SPAG16: variants seen among roughly 807,000 people sequenced by gnomAD.
SPAG16 encodes the protein sperm-associated antigen 16 protein.
In SPAG16, 86 loss-of-function variants were observed where a neutral mutation model predicts 80.4. That is an observed-to-expected ratio of 1.07 (90% CI 0.90 to 1.28). The LOEUF (loss-of-function observed/expected upper bound fraction) is 1.28. Among genes scored for constraint, SPAG16 ranks in the 50% most tolerant of loss-of-function variants. The pLI is 0.00. For missense variants in SPAG16, 870 were observed against 765.3 expected, an observed-to-expected ratio of 1.14 and a Z score of -1.61; for synonymous variants, 294 against 265.9, an observed-to-expected ratio of 1.11 and a Z score of -1.03.
At chr2:214,186,043 A>G (rs924969109) in intron 15 of SPAG16, among the ~76,000 whole-genome samples, 5 of 151,888 alleles carry the variant, frequency 3.3e-5, no homozygotes, top group African/African-American at 1.2e-4. Flanking sequence ...CAGGCATAAA[A>G]TAATGTTCAA....
intron 15 of SPAG16, among the ~76,000 whole-genome samples, chr2:214,393,233 G>T (rs914685794): frequency 2.6e-5 from 4 of 152,116 alleles, no homozygotes; most frequent in Non-Finnish European, 5.9e-5. Flanking sequence ...TTTATAGTGG[G>T]TAACTTATCT....
intron 10 of SPAG16, among the ~76,000 whole-genome samples, chr2:213,491,378 C>T (rs1384308427): frequency 6.6e-6 from 1 of 152,216 alleles, no homozygotes; most frequent in African/African-American, 2.4e-5. Flanking sequence ...GAACTTCAGA[C>T]AACTTCAGAT....
intron 10 of SPAG16, among the ~76,000 whole-genome samples, chr2:213,825,953 G>T (rs576531420): frequency 3.3e-5 from 5 of 151,714 alleles, no homozygotes; most frequent in Middle Eastern, 3.4e-3. Flanking sequence ...GGTCTGTTCA[G>T]GTTTTGGATT....
intron 9 of SPAG16, among the ~76,000 whole-genome samples, chr2:213,403,048 T>C (rs548071613): frequency 6.6e-6 from 1 of 151,752 alleles, no homozygotes; most frequent in Non-Finnish European, 1.5e-5. Flanking sequence ...CCACCAACAG[T>C]GTCAAAGTGT....
At chr2:213,466,854 C>G (rs569218443) in intron 9 of SPAG16, among the ~76,000 whole-genome samples, 1 of 152,206 alleles carries the variant, frequency 6.6e-6, no homozygotes, top group East Asian at 1.9e-4. Flanking sequence ...TCTCAGAATC[C>G]CTGAAGTACA....
chr2:213,723,165 G>A (rs2066605113), intron 10 of SPAG16, among the ~76,000 whole-genome samples: 1 of 152,096 alleles, frequency 6.6e-6, no homozygotes, highest in South Asian at 2.1e-4. Context: ...GGAAATTATA[G>A]CTCCTTTCTT....
chr2:214,400,964 T>C (rs1701673256), intron 15 of SPAG16, among the ~76,000 whole-genome samples: 1 of 152,036 alleles, frequency 6.6e-6, no homozygotes, highest in Non-Finnish European at 1.5e-5. Context: ...TTAGGACCCT[T>C]TAGCATTAAT....
At chr2:213,600,061 C>G (rs2061010449) in intron 10 of SPAG16, among the ~76,000 whole-genome samples, 1 of 152,112 alleles carries the variant, frequency 6.6e-6, no homozygotes, top group South Asian at 2.1e-4. Flanking sequence ...CTTCTAATCC[C>G]CATATTGTTC....
rs144704597 is a variant in SPAG16 at position 213,815,868 on chromosome 2, G to A, written c.1071-46617G>A. 1.9e-3 allele frequency among the ~76,000 whole-genome samples: 295 copies of A among 152,192 alleles called. 1 individual carries two copies. The highest frequency in any genetic ancestry group is 6.9e-3 in the African/African-American group (286 of 41,536). ...TTCAATAGTAGAAATAAATTTACAT[G>A]ATATTGACTCATAATTGAGGGCTAT... On this transcript the variant is annotated intron_variant, in intron 10 of 15. Coordinates refer to ENST00000331683, the MANE Select transcript of SPAG16 (RefSeq NM_024532.5).
chr2:214,186,750 TG>T (rs564125894), intron 15 of SPAG16, among the ~76,000 whole-genome samples: 28 of 151,856 alleles, frequency 1.8e-4, no homozygotes, highest in Admixed American at 3.3e-4. Flanking sequence ...TGCAAGTAGT[TG>T]TTTTTTTGTT....
intron 13 of SPAG16, 47 bp downstream of exon 13, chr2:214,014,124 T>A (rs755478423): frequency 6.2e-7 from 1 of 1,603,384 alleles, no homozygotes; most frequent in Non-Finnish European, 8.5e-7. Context: ...TAAGTCTGAT[T>A]ACTCTCGGTC....
At chr2:214,234,082 C>CCA (rs398105311) in intron 15 of SPAG16, among the ~76,000 whole-genome samples, 1 of 151,802 alleles carries the variant, frequency 6.6e-6, no homozygotes, top group Non-Finnish European at 1.5e-5. Context: ...TTTCCCCCCC[C>CCA]ATGTGTCCAT....
chr2:214,088,235 T>C (rs1375824553), intron 13 of SPAG16, among the ~76,000 whole-genome samples: 1 of 151,642 alleles, frequency 6.6e-6, no homozygotes, highest in Non-Finnish European at 1.5e-5. Context: ...AAGATGGCTG[T>C]TATGGAAGTC....
At chr2:213,868,859 C>T (rs2075813952) in intron 11 of SPAG16, among the ~76,000 whole-genome samples, 1 of 152,176 alleles carries the variant, frequency 6.6e-6, no homozygotes, top group Admixed American at 6.5e-5. Flanking sequence ...CTCATGTTCT[C>T]TCTTCACTGT....
At chr2:214,226,200 G>A (rs988234236) in intron 15 of SPAG16, among the ~76,000 whole-genome samples, 20 of 152,064 alleles carry the variant, frequency 1.3e-4, no homozygotes, top group African/African-American at 4.1e-4. Context: ...TGGCAGGTTG[G>A]TAGGGGCTAG....
At chr2:214,098,246 T>A (rs1042533569) in intron 13 of SPAG16, among the ~76,000 whole-genome samples, 1 of 152,106 alleles carries the variant, frequency 6.6e-6, no homozygotes, top group African/African-American at 2.4e-5. Context: ...GGCTATTGTA[T>A]TCCTAAGACA....
chr2:213,485,716 C>T (rs990170699), intron 9 of SPAG16, among the ~76,000 whole-genome samples: 6 of 152,164 alleles, frequency 3.9e-5, no homozygotes, highest in African/African-American at 1.2e-4. Context: ...TAATTTTTCA[C>T]TTCCACTTAA....
At chr2:214,020,621 A>G (rs1293589931) in intron 13 of SPAG16, among the ~76,000 whole-genome samples, 1 of 152,188 alleles carries the variant, frequency 6.6e-6, no homozygotes, top group African/African-American at 2.4e-5. Flanking sequence ...ACTGCAAATG[A>G]TCCCTTGACA....
At chr2:214,028,913 T>G (rs1459601669) in intron 13 of SPAG16, among the ~76,000 whole-genome samples, 1 of 152,076 alleles carries the variant, frequency 6.6e-6, no homozygotes, top group East Asian at 1.9e-4. Context: ...ATGCCTAACG[T>G]GTAGCAGGGA....
Sources: gnomAD v4.1 joint callset for allele counts (sites outside exome capture counted in the v4.1 genomes callset) on GRCh38, gnomAD v4.1.1 for gene constraint, MANE v1.5 for transcripts, NCBI Gene and HGNC (gene_info 2026-07-23, HGNC 2026-07-21) for gene names.